HERC4: variants seen among roughly 807,000 people sequenced by gnomAD.
HERC4 encodes the protein HECT and RLD domain containing E3 ubiquitin protein ligase 4, also known as probable E3 ubiquitin-protein ligase HERC4.
Under a neutral mutation model 124.3 loss-of-function variants are expected in HERC4, and 28 were observed. That is an observed-to-expected ratio of 0.23 (90% CI 0.17 to 0.31). The LOEUF (loss-of-function observed/expected upper bound fraction) is 0.31. HERC4 is among the 10% of genes least tolerant of loss of function. The probability of loss-of-function intolerance (pLI) is 1.00; values close to 1 mark genes in which losing one functional copy is unlikely to be tolerated. For missense variants in HERC4, 713 were observed against 1,229.3 expected, an observed-to-expected ratio of 0.58 and a Z score of 6.28; for synonymous variants, 407 against 421.5, an observed-to-expected ratio of 0.97 and a Z score of 0.42.
intron 15 of HERC4, among the ~76,000 whole-genome samples, chr10:67,978,950 A>G (rs1048445941): frequency 2.0e-5 from 3 of 152,198 alleles, no homozygotes; most frequent in Non-Finnish European, 4.4e-5. Flanking sequence ...TACAGCTTCT[A>G]AGCGATGACA....
chr10:67,947,116 C>A (rs966149438), intron 19 of HERC4, among the ~76,000 whole-genome samples: 1 of 152,120 alleles, frequency 6.6e-6, no homozygotes, highest in Non-Finnish European at 1.5e-5. Flanking sequence ...GCACTACAGA[C>A]CAAATGGATT....
intron 23 of HERC4, among the ~76,000 whole-genome samples, chr10:67,925,979 C>T (rs2030881642): frequency 1.3e-5 from 2 of 152,324 alleles, no homozygotes; most frequent in South Asian, 4.1e-4. Flanking sequence ...AACTACTCAG[C>T]TAAGCCACTC....
intron 9 of HERC4, chr10:68,010,693 G>T: frequency 6.8e-7 from 1 of 1,480,026 alleles, no homozygotes; most frequent in Non-Finnish European, 9.3e-7. Flanking sequence ...GCTTACACAT[G>T]TTCTTGAAGC....
chr10:67,926,253 G>T (rs543406349), intron 23 of HERC4, among the ~76,000 whole-genome samples: 13 of 152,100 alleles, frequency 8.5e-5, no homozygotes, highest in African/African-American at 2.9e-4. Context: ...AAATTAGCTG[G>T]GCATGGTGGC....
At chr10:68,022,826 A>G (rs2038709271) in intron 8 of HERC4, among the ~76,000 whole-genome samples, 1 of 151,958 alleles carries the variant, frequency 6.6e-6, no homozygotes, top group African/African-American at 2.4e-5. Context: ...AACTCTGAAA[A>G]CTCAACAACA....
chr10:67,988,850 T>C lies in HERC4; in HGVS notation c.1634-15A>G, dbSNP rs760940404. Reference sequence around the variant, plus strand: ...CCACCAGTTTTCTGTTATTAAAAAGTGAACATGCAAATAAAATGAATTTTT... The same window carrying C: ...CCACCAGTTTTCTGTTATTAAAAAGCGAACATGCAAATAAAATGAATTTTT... On this transcript the variant is annotated splice_polypyrimidine_tract_variant and intron_variant, in intron 14 of 24. Transcript: ENST00000373700. 6.4e-7 allele frequency: 1 copy of C among 1,562,976 alleles called. No homozygotes were observed. The highest frequency in any genetic ancestry group is 1.2e-5 in the South Asian group (1 of 83,230).
intron 19 of HERC4, among the ~76,000 whole-genome samples, chr10:67,948,935 A>G (rs556353813): frequency 6.7e-6 from 1 of 148,326 alleles, no homozygotes; most frequent in South Asian, 2.1e-4. Flanking sequence ...CCTCAAAATA[A>G]ATAAATAAAT....
intron 15 of HERC4, among the ~76,000 whole-genome samples, chr10:67,979,686 T>C (rs1334586318): frequency 6.6e-6 from 1 of 152,042 alleles, no homozygotes; most frequent in African/African-American, 2.4e-5. Flanking sequence ...CCAAGGATCC[T>C]GAAAACAGAA....
At chr10:67,953,176 T>G (rs1451906126) in intron 19 of HERC4, among the ~76,000 whole-genome samples, 1 of 152,200 alleles carries the variant, frequency 6.6e-6, no homozygotes, top group Non-Finnish European at 1.5e-5. Flanking sequence ...GATTTGACTT[T>G]GGAACTATGT....
intron 9 of HERC4, chr10:68,010,886 AG>A: frequency 1.4e-6 from 2 of 1,456,108 alleles, no homozygotes; most frequent in Admixed American, 1.7e-5. Context: ...GACTGGATGA[AG>A]GGTATTTTTT....
In HERC4 at chr10:67,932,717, A is replaced by C; in HGVS notation, c.2718T>G (p.Asp906Glu). 1 of 1,600,720 alleles carries C rather than the reference A, an allele frequency of 6.2e-7. No homozygotes were observed. The highest frequency in any genetic ancestry group is 1.7e-4 in the Middle Eastern group (1 of 6,040). Residue 906 changes from aspartate (D) to glutamate (E), a missense_variant, in exon 23 of 25, where the codon GAT becomes GAG. Physicochemically the swap from Asp to Glu is conservative, Grantham distance 45. Transcript: ENST00000373700. ...IFNKSVASLFDAFHAGFHKVC... is the reference protein window; with the variant it reads ...IFNKSVASLFEAFHAGFHKVC... ...CCTTATGAAAGCCCGCATGAAAAGC[A>C]TCAAATAAGGAAGCCACTGATTTAT...
At chr10:67,989,675 A>G (rs1403964486) in intron 14 of HERC4, among the ~76,000 whole-genome samples, 1 of 152,058 alleles carries the variant, frequency 6.6e-6, no homozygotes, top group African/African-American at 2.4e-5. Context: ...AATCTAGACA[A>G]TTAGAAAAAT....
chr10:68,072,007 C>A (rs1433750720), intron 3 of HERC4, among the ~76,000 whole-genome samples: 1 of 152,130 alleles, frequency 6.6e-6, no homozygotes, highest in East Asian at 1.9e-4. Flanking sequence ...ACAGAAACCA[C>A]CTAATTAATA....
intron 8 of HERC4, among the ~76,000 whole-genome samples, chr10:68,022,776 C>T (rs1464769934): frequency 6.6e-6 from 1 of 151,660 alleles, no homozygotes; most frequent in African/African-American, 2.4e-5. Flanking sequence ...AAAATATCTG[C>T]AAATATCTGA....
chr10:68,063,188 T>G (rs958432960), intron 3 of HERC4, among the ~76,000 whole-genome samples: 1 of 152,156 alleles, frequency 6.6e-6, no homozygotes, highest in Admixed American at 6.6e-5. Context: ...ATAGAAAGCT[T>G]GTCATACATT....
chr10:68,031,486 AAATT>A (rs1163341880), intron 7 of HERC4, among the ~76,000 whole-genome samples: 1 of 152,112 alleles, frequency 6.6e-6, no homozygotes, highest in Non-Finnish European at 1.5e-5. Context: ...GGTTGGTGCA[AAATT>A]AATTGCAGTT....
In HERC4 at chr10:67,924,150, A is replaced by G. The variant is rs578043419; in HGVS notation, c.2941+935T>C. ...TATCCATGGATTGAACCGACTGCAA[A>G]TCGAAAATATTTTCAAAAAATGGAT... On this transcript the variant is annotated intron_variant, in intron 24 of 24. Transcript: ENST00000373700. Among the ~76,000 whole-genome samples, 10 of 152,318 alleles carry G rather than the reference A, an allele frequency of 6.6e-5. No homozygotes were observed. In the South Asian group the frequency reaches 2.1e-3, roughly 32 times the overall value.
intron 3 of HERC4, among the ~76,000 whole-genome samples, chr10:68,050,259 T>C (rs565864032): frequency 6.6e-6 from 1 of 152,306 alleles, no homozygotes; most frequent in East Asian, 1.9e-4. Flanking sequence ...AACAATAGCG[T>C]GGTCAAATGT....
intron 15 of HERC4, among the ~76,000 whole-genome samples, chr10:67,970,499 C>T (rs374786475): frequency 9.2e-5 from 14 of 151,466 alleles, no homozygotes; most frequent in African/African-American, 2.4e-4. Flanking sequence ...GGCTAAAGCA[C>T]GAGAATTGCT....
Sources: gnomAD v4.1 joint callset for allele counts (sites outside exome capture counted in the v4.1 genomes callset) on GRCh38, gnomAD v4.1.1 for gene constraint, MANE v1.5 for transcripts, NCBI Gene and HGNC (gene_info 2026-07-23, HGNC 2026-07-21) for gene names.